The following SAMD8 variants were observed in gnomAD, a reference collection of about 807,000 sequenced individuals.
The protein encoded by SAMD8 is sphingomyelin synthase-related protein 1.
SAMD8 carries 20 observed loss-of-function variants against 42.0 expected under a neutral mutation model. The observed-to-expected ratio is 0.48, with a 90% CI of 0.34 to 0.69. The LOEUF (loss-of-function observed/expected upper bound fraction) is 0.69. Ranked by LOEUF, SAMD8 falls within the 30% of genes least tolerant of loss-of-function variation. The probability of loss-of-function intolerance (pLI) is 0.01; values close to 1 mark genes in which losing one functional copy is unlikely to be tolerated. For synonymous variants in SAMD8, 162 were observed against 173.0 expected (o/e 0.94, Z 0.50); for missense variants, 328 against 511.6 (o/e 0.64, Z 3.46).
chr10:75,154,606 C>G (rs1840368541), intron 2 of SAMD8, among the ~76,000 whole-genome samples: 1 of 152,188 alleles, frequency 6.6e-6, no homozygotes, highest in African/African-American at 2.4e-5. Flanking sequence ...CTGGAAAGTA[C>G]TGAGGACAAG....
At chr10:75,119,880 A>C (rs1401064373) in intron 1 of SAMD8, among the ~76,000 whole-genome samples, 1 of 152,190 alleles carries the variant, frequency 6.6e-6, no homozygotes, top group African/African-American at 2.4e-5. Flanking sequence ...AGCCTGGCCA[A>C]CATGGTGAAA....
chr10:75,101,056 T>A (rs1232702924), intron 1 of SAMD8, among the ~76,000 whole-genome samples: 1 of 152,200 alleles, frequency 6.6e-6, no homozygotes, highest in Non-Finnish European at 1.5e-5. Context: ...CATGTGGGGC[T>A]GGAGATCTCA....
At chr10:75,100,872 A>G (rs148557134) in intron 1 of SAMD8, among the ~76,000 whole-genome samples, 4 of 152,318 alleles carry the variant, frequency 2.6e-5, no homozygotes, top group Non-Finnish European at 5.9e-5. Flanking sequence ...GCCTCCCATG[A>G]CGCTGCTCTG....
chr10:75,153,720 T>C (rs1271092764), intron 2 of SAMD8, among the ~76,000 whole-genome samples: 1 of 152,112 alleles, frequency 6.6e-6, no homozygotes, highest in African/African-American at 2.4e-5. Flanking sequence ...TGTATACATC[T>C]CATTTTGCTC....
At chr10:75,109,810 G>GTT (rs2134405748), upstream of SAMD8, among the ~76,000 whole-genome samples, 1 of 83,630 alleles carries the variant, frequency 1.2e-5, no homozygotes, top group East Asian at 7.1e-4. Flanking sequence ...GGAGGGGGAA[G>GTT]GTGTTTTTTT....
chr10:75,108,413 C>T (rs1031215549), upstream of SAMD8: 23 of 917,744 alleles, frequency 2.5e-5, no homozygotes, highest in African/African-American at 1.2e-4. Flanking sequence ...GTGTGTGTGT[C>T]GGGGGATCTT....
intron 1 of SAMD8, among the ~76,000 whole-genome samples, chr10:75,148,370 T>C (rs1840197356): frequency 9.1e-6 from 1 of 109,428 alleles, no homozygotes; most frequent in Admixed American, 1.1e-4. Flanking sequence ...TTTTTTTTTT[T>C]TGAGACAGAG....
At chr10:75,164,434 G>A in intron 2 of SAMD8, 2 of 796,948 alleles carry the variant, frequency 2.5e-6, no homozygotes, top group Non-Finnish European at 3.0e-6. Context: ...AACCCTAACT[G>A]GGAATCAATG....
At chr10:75,174,821 G>C (rs574457706) in intron 4 of SAMD8, among the ~76,000 whole-genome samples, 1 of 100,352 alleles carries the variant, frequency 1.0e-5, no homozygotes, top group African/African-American at 4.3e-5. Flanking sequence ...TTTTTTAGGC[G>C]TATGTGTGGG....
chr10:75,170,653 T>A (rs1170918400), intron 4 of SAMD8, among the ~76,000 whole-genome samples: 1 of 151,668 alleles, frequency 6.6e-6, no homozygotes, highest in Admixed American at 6.6e-5. Context: ...TATTAAAAAG[T>A]AAAAATTCAC....
chr10:75,108,355 C>T, upstream of SAMD8: 1 of 1,404,140 alleles, frequency 7.1e-7, no homozygotes, highest in Non-Finnish European at 9.3e-7. Context: ...GGTCTGACTC[C>T]ACAGCCCTAT....
chr10:75,099,844 C>G (rs550325022), intron 1 of SAMD8: 1 of 162,178 alleles, frequency 6.2e-6, no homozygotes, highest in South Asian at 2.0e-4. Context: ...AGTTTATCTT[C>G]CCATGCTAGG....
At chr10:75,144,493 C>T (rs1840091033) in intron 1 of SAMD8, among the ~76,000 whole-genome samples, 2 of 152,172 alleles carry the variant, frequency 1.3e-5, no homozygotes, top group African/African-American at 2.4e-5. Flanking sequence ...TGGAATCATA[C>T]AGTATTTGTC....
intron 4 of SAMD8, among the ~76,000 whole-genome samples, chr10:75,174,430 CTTTTTTT>C (rs1159237277): frequency 1.9e-5 from 2 of 102,768 alleles, no homozygotes; most frequent in South Asian, 3.3e-4. Flanking sequence ...TGCCTGGCCT[CTTTTTTT>C]TTTTTTTTTT....
chr10:75,167,907 TA>T (rs1453551082), intron 3 of SAMD8, among the ~76,000 whole-genome samples: 4 of 152,278 alleles, frequency 2.6e-5, no homozygotes, highest in Admixed American at 2.0e-4. Context: ...TTATCTCTTA[TA>T]AATAATTTAA....
At chr10:75,136,830 C>T (rs1211498659) in intron 1 of SAMD8, among the ~76,000 whole-genome samples, 1 of 152,166 alleles carries the variant, frequency 6.6e-6, no homozygotes, top group Non-Finnish European at 1.5e-5. Context: ...AGATGTTCCA[C>T]ATGGCTAATC....
intron 3 of SAMD8, among the ~76,000 whole-genome samples, chr10:75,165,739 G>A (rs1017538477): frequency 1.3e-5 from 2 of 151,938 alleles, no homozygotes; most frequent in African/African-American, 4.8e-5. Flanking sequence ...ACTTTAGGAG[G>A]CTGAGGTGGG....
At chr10:75,144,668 G>GT (rs1338600273) in intron 1 of SAMD8, among the ~76,000 whole-genome samples, 3 of 151,422 alleles carry the variant, frequency 2.0e-5, no homozygotes, top group Admixed American at 6.6e-5. Context: ...TCTTTTCATT[G>GT]TTTTTTTGAG....
In SAMD8 at chr10:75,123,162, T is replaced by TCACCCCACCCCACCC. The variant is rs60218062; in HGVS notation, c.-16+11476_-16+11490dup. On this transcript the variant is annotated intron_variant, in intron 1 of 5. Coordinates refer to ENST00000542569, the MANE Select transcript of SAMD8 (RefSeq NM_001174156.2). ...CCTCATGCTTGCTTCCCACCCCACC[T>TCACCCCACCCCACCC]CACCCCACCCCACCCCACCCCACCC... Among the ~76,000 whole-genome samples, 26 of 99,682 alleles carry TCACCCCACCCCACCC rather than the reference T, an allele frequency of 2.6e-4. No individual in the cohort carries two copies. The South Asian group carries it at 7.0e-3, about 27-fold the overall frequency. The allele number at this position is 99,682 out of a possible 152,430, so 65.4% of individuals were successfully genotyped here.
Sources: gnomAD v4.1 joint callset for allele counts (sites outside exome capture counted in the v4.1 genomes callset) on GRCh38, gnomAD v4.1.1 for gene constraint, MANE v1.5 for transcripts, NCBI Gene and HGNC (gene_info 2026-07-23, HGNC 2026-07-21) for gene names.